Variants in PKNOX2 observed in about 807,000 individuals in gnomAD.
The protein encoded by PKNOX2 is PBX/knotted 1 homeobox 2.
A neutral mutation model predicts 53.1 loss-of-function variants in PKNOX2; 14 were observed. The observed-to-expected ratio is 0.26, with a 90% CI of 0.17 to 0.41. The LOEUF is 0.41. Ranked by LOEUF, PKNOX2 falls within the 10% of genes least tolerant of loss-of-function variation. PKNOX2 has a pLI of 1.00. For synonymous variants in PKNOX2, 257 were observed against 242.8 expected (o/e 1.06, Z -0.54); for missense variants, 496 against 602.8 (o/e 0.82, Z 1.85).
intron 4 of PKNOX2, among the ~76,000 whole-genome samples, chr11:125,353,846 G>C (rs547936256): frequency 6.6e-6 from 1 of 152,268 alleles, no homozygotes; most frequent in Admixed American, 6.5e-5. Flanking sequence ...AATTGCCATT[G>C]GCCTTCCCCA....
At chr11:125,351,232 G>A in intron 3 of PKNOX2, 52 bp from the exon 4 acceptor site, 2 of 817,054 alleles carry the variant, frequency 2.4e-6, no homozygotes, top group Non-Finnish European at 2.1e-6. Context: ...GGTGCCCAGG[G>A]CGGGCCTGCT....
At chr11:125,251,785 AAT>A (rs61255158) in intron 2 of PKNOX2, among the ~76,000 whole-genome samples, 1 of 146,226 alleles carries the variant, frequency 6.8e-6, no homozygotes, top group Non-Finnish European at 1.5e-5. Flanking sequence ...ATATTATATA[AAT>A]ATATATATAT....
chr11:125,313,437 G>T (rs1948954930), intron 2 of PKNOX2, among the ~76,000 whole-genome samples: 1 of 152,184 alleles, frequency 6.6e-6, no homozygotes, highest in Non-Finnish European at 1.5e-5. Flanking sequence ...GCAGAAACCA[G>T]GTCTGACTCA....
chr11:125,339,246 C>G (rs1273962886), intron 3 of PKNOX2, among the ~76,000 whole-genome samples: 1 of 152,220 alleles, frequency 6.6e-6, no homozygotes, highest in Non-Finnish European at 1.5e-5. Flanking sequence ...AACCCTGCTG[C>G]TGGCTCACTG....
chr11:125,167,448 A>T (rs1370921234), intron 1 of PKNOX2, among the ~76,000 whole-genome samples: 2 of 151,964 alleles, frequency 1.3e-5, no homozygotes, highest in African/African-American at 4.8e-5. Flanking sequence ...TCCCGCTGAG[A>T]GCCCGAGGGG....
At chr11:125,184,183 A>T (rs531373128) in intron 1 of PKNOX2, 28 of 152,206 alleles carry the variant, frequency 1.8e-4, no homozygotes, top group Non-Finnish European at 3.8e-4. Flanking sequence ...GACAGAGAAG[A>T]CTCATTGCCA....
At chr11:125,264,115 C>T (rs1285285495) in intron 2 of PKNOX2, among the ~76,000 whole-genome samples, 1 of 152,198 alleles carries the variant, frequency 6.6e-6, no homozygotes, top group Non-Finnish European at 1.5e-5. Context: ...CCATCCCTGA[C>T]ACTGTTAGGA....
chr11:125,391,536 G>A (rs779139981), intron 6 of PKNOX2, among the ~76,000 whole-genome samples: 14 of 152,142 alleles, frequency 9.2e-5, no homozygotes, highest in Non-Finnish European at 1.8e-4. Flanking sequence ...CTGAAGTGTA[G>A]GTATTATTGT....
chr11:125,381,623 G>T (rs540982123), intron 5 of PKNOX2, among the ~76,000 whole-genome samples: 1 of 152,078 alleles, frequency 6.6e-6, no homozygotes, highest in South Asian at 2.1e-4. Flanking sequence ...GGAGGTGCAT[G>T]TTCCCTGCTG....
intron 10 of PKNOX2, among the ~76,000 whole-genome samples, chr11:125,417,590 C>T (rs901766911): frequency 6.6e-5 from 10 of 152,014 alleles, no homozygotes; most frequent in African/African-American, 1.7e-4. Flanking sequence ...GATTTGAACC[C>T]GGACCTATGC....
At position 125,166,753 on chromosome 11, in the gene PKNOX2, C is replaced by G. The variant is rs1954908448; in HGVS notation, c.-201+1977C>G. 6.6e-6 allele frequency among the ~76,000 whole-genome samples: 1 copy of G among 152,200 alleles called. No individual in the cohort carries two copies. Among genetic ancestry groups the G allele is most frequent in the Non-Finnish European group, 1.5e-5 (1 of 68,034 alleles). ...GCTTACCCGCGCCGGACTGAGAAGCCCACAAACCCGGCCTTTGGTGCGCCC... is the reference window on the plus strand; with the variant it reads ...GCTTACCCGCGCCGGACTGAGAAGCGCACAAACCCGGCCTTTGGTGCGCCC... On this transcript the variant is annotated intron_variant, in intron 1 of 12. Coordinates refer to ENST00000298282, the MANE Select transcript of PKNOX2 (RefSeq NM_001382323.2). This position sits in a 1 kb window ranked among gnomAD's most constrained non-coding sequence, Gnocchi z 4.0.
chr11:125,172,002 G>A (rs943803113), intron 1 of PKNOX2, among the ~76,000 whole-genome samples: 1 of 152,248 alleles, frequency 6.6e-6, no homozygotes, highest in East Asian at 1.9e-4. Flanking sequence ...CCAGGACAGA[G>A]TGGAGTCACA....
At chr11:125,258,940 C>T (rs765271675) in intron 2 of PKNOX2, 1 of 322,382 alleles carries the variant, frequency 3.1e-6, no homozygotes, top group Non-Finnish European at 6.3e-6. Context: ...GCCGTGAAAA[C>T]AGCAAACCCT....
In PKNOX2 at chr11:125,410,250, G is replaced by A. The variant is rs752912950; in HGVS notation, c.643G>A (p.Gly215Arg). Residue 215 changes from glycine to arginine, a missense_variant, in exon 8 of 13, where the codon GGG becomes AGG. Gly to Arg is a moderately radical substitution (Grantham distance 125). This residue lies in a region of PKNOX2 where 141 missense variants were observed against 143.9 expected (regional missense o/e 0.98). Coordinates refer to ENST00000298282, the MANE Select transcript of PKNOX2 (RefSeq NM_001382323.2). ...GTCCGGAGTCTCCAATAACCCCCAG[G>A]GGATTGTGGTCCCAGCCTCAGCGCT... ...SMSGVSNNPQ[G>R]IVVPASALQQ... 1 of 1,614,068 alleles carries A rather than the reference G, an allele frequency of 6.2e-7. No homozygotes were observed. Among genetic ancestry groups the A allele is most frequent in the Non-Finnish European group, 8.5e-7 (1 of 1,180,002 alleles).
intron 2 of PKNOX2, among the ~76,000 whole-genome samples, chr11:125,236,301 G>A (rs569669549): frequency 6.7e-6 from 1 of 149,686 alleles, no homozygotes; most frequent in South Asian, 2.1e-4. Context: ...CCCTGCTCAG[G>A]AGCAGTCGGA....
intron 1 of PKNOX2, among the ~76,000 whole-genome samples, chr11:125,188,387 A>G (rs1956583420): frequency 6.6e-6 from 1 of 152,164 alleles, no homozygotes; most frequent in African/African-American, 2.4e-5. Flanking sequence ...ACCCCATTAG[A>G]AATTCATTGC....
chr11:125,297,625 G>T (rs909811523), intron 2 of PKNOX2, among the ~76,000 whole-genome samples: 12 of 152,166 alleles, frequency 7.9e-5, no homozygotes, highest in African/African-American at 2.9e-4. Context: ...CTAAGCTCTC[G>T]TACCTGGTGT....
At chr11:125,210,333 G>C (rs756016052) in intron 1 of PKNOX2, among the ~76,000 whole-genome samples, 8 of 152,234 alleles carry the variant, frequency 5.3e-5, no homozygotes, top group Non-Finnish European at 1.2e-4. Flanking sequence ...CTCTCTTTGG[G>C]GATGTCATCT....
At chr11:125,319,396 C>T in intron 2 of PKNOX2, among the ~76,000 whole-genome samples, 1 of 152,130 alleles carries the variant, frequency 6.6e-6, no homozygotes, top group African/African-American at 2.4e-5. Flanking sequence ...AAGTGAGTAC[C>T]TGCTGTTGGA....
Sources: gnomAD v4.1 joint callset for allele counts (sites outside exome capture counted in the v4.1 genomes callset) on GRCh38, gnomAD v4.1.1 for gene constraint, gnomAD v4.1.1 regional missense constraint, Gnocchi (gnomAD v3.1) non-coding constraint, MANE v1.5 for transcripts, NCBI Gene and HGNC (gene_info 2026-07-23, HGNC 2026-07-21) for gene names.